ZNF672: variants seen among roughly 807,000 people sequenced by gnomAD.
The protein encoded by ZNF672 is zinc finger protein 672.
For missense variants in ZNF672, 733 were observed against 701.1 expected, an observed-to-expected ratio of 1.05 and a Z score of -0.51; for synonymous variants, 358 against 305.6, an observed-to-expected ratio of 1.17 and a Z score of -1.79.
intron 1 of ZNF672, among the ~76,000 whole-genome samples, chr1:248,840,128 C>T (rs530305142): frequency 2.6e-5 from 4 of 151,962 alleles, no homozygotes; most frequent in East Asian, 1.9e-4. Flanking sequence ...CTCACTCTGT[C>T]GCCCAGGCTG....
chr1:248,849,358 A>C lies in ZNF672; in HGVS notation c.*725A>C, dbSNP rs1659293290. On this transcript the variant is annotated 3_prime_UTR_variant, in exon 4 of 4. Transcript: ENST00000306562. ...ACCATTTTCACTGGGACCCAGGCCA[A>C]AACCATGTGGGTGCACAAAGCCAGG... 2 of 353,026 alleles carry C rather than the reference A, an allele frequency of 5.7e-6. No homozygotes were observed. Among genetic ancestry groups the C allele is most frequent in the East Asian group, 1.5e-4 (2 of 12,962 alleles). 21.9% of individuals were successfully genotyped at this position (353,026 alleles called of 1,614,324 possible). A position where few individuals can be genotyped will look rare whatever the true frequency, so the allele number is the denominator to read the frequency against.
In ZNF672 at chr1:248,848,330, C is replaced by G; in HGVS notation, c.1056C>G (p.Ser352=). 1 of 1,601,914 alleles carries G rather than the reference C, an allele frequency of 6.2e-7. No homozygotes were observed. Among genetic ancestry groups the G allele is most frequent in the Middle Eastern group, 1.7e-4 (1 of 6,060 alleles). ...GCGGCAAGCGGTTCACGTGCGTGTC[C>G]AATCTCAACGTGCATCGGCGCAACC... ...ELCGKRFTCV[S]NLNVHRRNHA... Residue 352 remains serine, a synonymous_variant, in exon 4 of 4, where the codon TCC becomes TCG. Coordinates refer to ENST00000306562, the MANE Select transcript of ZNF672 (RefSeq NM_024836.3).
chr1:248,840,344 G>T (rs1228648336), intron 1 of ZNF672, among the ~76,000 whole-genome samples: 3 of 152,054 alleles, frequency 2.0e-5, no homozygotes, highest in Admixed American at 2.0e-4. Flanking sequence ...TGCCCACCCC[G>T]GCCTCCCAAA....
In ZNF672 at chr1:248,847,266, G is replaced by A; in HGVS notation, c.-9G>A. 6.3e-7 allele frequency: 1 copy of A among 1,596,450 alleles called. No homozygotes were observed. Among genetic ancestry groups the A allele is most frequent in the Non-Finnish European group, 8.6e-7 (1 of 1,165,290 alleles). ...GAGTGGCACGCTTCCCTGTGAACCC[G>A]TCCTCACCATGTTTGCCACATCTGG... On this transcript the variant is annotated 5_prime_UTR_variant, in exon 4 of 4. Transcript: ENST00000306562.
At chr1:248,844,333 T>G (rs1030656451) in intron 1 of ZNF672, 150 bp from the exon 2 acceptor site, 1 of 152,210 alleles carries the variant, frequency 6.6e-6, no homozygotes, top group Admixed American at 6.5e-5. Context: ...CCCCCTTCCC[T>G]CTTTCCAAAC....
rs1031914834 is a variant in ZNF672 at position 248,848,164 on chromosome 1, A to T, written c.890A>T (p.Asp297Val). ...TCGKGFGQRS[D>V]LVVHQRIHTG... is the part of the protein sequence containing the mutation. ...GGCAAGGGTTTCGGGCAGCGCTCCGACCTGGTGGTGCACCAGCGCATCCAC... is the reference window on the plus strand; with the variant it reads ...GGCAAGGGTTTCGGGCAGCGCTCCGTCCTGGTGGTGCACCAGCGCATCCAC... The change falls in exon 4 of 4, where the codon GAC (aspartate) becomes GTC (valine). Residue 297 changes from aspartate to valine, a missense_variant. Physicochemically the swap from Asp to Val is radical, Grantham distance 152. Transcript: ENST00000306562. 6.3e-7 allele frequency: 1 copy of T among 1,593,774 alleles called. No homozygotes were observed. The highest frequency in any genetic ancestry group is 8.5e-7 in the Non-Finnish European group (1 of 1,174,694).
At chr1:248,839,776 T>C (rs1664639630) in intron 1 of ZNF672, among the ~76,000 whole-genome samples, 1 of 147,398 alleles carries the variant, frequency 6.8e-6, no homozygotes, top group African/African-American at 2.6e-5. Context: ...TCTTGCTCTG[T>C]CGTCCAGGCT....
intron 3 of ZNF672, among the ~76,000 whole-genome samples, chr1:248,846,033 A>G (rs933321841): frequency 1.3e-5 from 2 of 152,206 alleles, no homozygotes; most frequent in African/African-American, 2.4e-5. Context: ...AACCTGTCAG[A>G]AGAATTCAGG....
intron 1 of ZNF672, among the ~76,000 whole-genome samples, chr1:248,839,713 G>A (rs889107294): frequency 1.3e-5 from 2 of 149,718 alleles, no homozygotes; most frequent in African/African-American, 5.0e-5. Flanking sequence ...CCGGGCAACC[G>A]CAATTCTCAG....
chr1:248,849,155 G>C lies in ZNF672; in HGVS notation c.*522G>C, dbSNP rs902847649. The C allele has an allele frequency of 4.4e-6, 2 of 459,750 alleles. No individual in the cohort carries two copies. The highest frequency in any genetic ancestry group is 4.0e-5 in the African/African-American group (2 of 49,610). 28.5% of individuals were successfully genotyped at this position (459,750 alleles called of 1,614,324 possible). On this transcript the variant is annotated 3_prime_UTR_variant, in exon 4 of 4. Transcript: ENST00000306562. ...TTAACTCTGTTTCTGAGAAATGTGG[G>C]TATGGAGGTGGGTGGGAAAGCTCAC... is the stretch of plus-strand genomic sequence containing the variant.
In ZNF672 at chr1:248,848,369, G is replaced by T; in HGVS notation, c.1095G>T (p.Lys365Asn). ...ATCGGCGCAACCATGCCGGCCACAAGCCACACAAATGCCCCGAGTGCAGCA... is the reference window on the plus strand; with the variant it reads ...ATCGGCGCAACCATGCCGGCCACAATCCACACAAATGCCCCGAGTGCAGCA... ...NVHRRNHAGH[K>N]PHKCPECSKA... The change falls in exon 4 of 4, where the codon AAG (lysine) becomes AAT (asparagine). Residue 365 changes from lysine to asparagine, a missense_variant. Transcript: ENST00000306562. 6.2e-7 allele frequency: 1 copy of T among 1,602,450 alleles called. No homozygotes were observed.
At chr1:248,840,422 G>T (rs1322718975) in intron 1 of ZNF672, among the ~76,000 whole-genome samples, 2 of 152,194 alleles carry the variant, frequency 1.3e-5, no homozygotes, top group Non-Finnish European at 2.9e-5. Flanking sequence ...TCCCATCCAG[G>T]AGGATCAGAC....
chr1:248,848,724 G>A lies in ZNF672; in HGVS notation c.*91G>A, dbSNP rs1659267664. ...ACAGTTGAGGCAACTCGTAGATGGA[G>A]ATTTGGGAAAAGACGATGTGGCCTC... On this transcript the variant is annotated 3_prime_UTR_variant, in exon 4 of 4. Coordinates refer to ENST00000306562, the MANE Select transcript of ZNF672 (RefSeq NM_024836.3). 1 of 1,472,758 alleles carries A rather than the reference G, an allele frequency of 6.8e-7. No individual in the cohort carries two copies. The highest frequency in any genetic ancestry group is 1.4e-5 in the South Asian group (1 of 70,558). 91.2% of individuals were successfully genotyped at this position (1,472,758 alleles called of 1,614,324 possible). A position where few individuals can be genotyped will look rare whatever the true frequency, so the allele number is the denominator to read the frequency against.
In ZNF672 at chr1:248,847,654, C is replaced by A; in HGVS notation, c.380C>A (p.Pro127His). The A allele has an allele frequency of 6.7e-7, 1 of 1,496,374 alleles. No homozygotes were observed. Among genetic ancestry groups the A allele is most frequent in the Non-Finnish European group, 8.9e-7 (1 of 1,127,394 alleles). The allele number at this position is 1,496,374 out of a possible 1,614,324, so 92.7% of individuals were successfully genotyped here. The change falls in exon 4 of 4, where the codon CCC (proline) becomes CAC (histidine). Residue 127 changes from proline (P) to histidine (H), a missense_variant. Physicochemically the swap from Pro to His is moderately conservative, Grantham distance 77 (BLOSUM62 -2). Coordinates refer to ENST00000306562, the MANE Select transcript of ZNF672 (RefSeq NM_024836.3). ...HRRRQHLPER[P>H]RRCPLCARTF... ...CGCCGCCAGCATCTGCCAGAGCGGC[C>A]CCGCCGCTGCCCGCTGTGCGCCCGC...
rs1206396315 is a variant in ZNF672, at chr1:248,847,709, C to G, written c.435C>G (p.His145Gln). 6.9e-7 allele frequency: 1 copy of G among 1,458,056 alleles called. No individual in the cohort carries two copies. The highest frequency in any genetic ancestry group is 1.4e-5 in the African/African-American group (1 of 69,310). The allele number at this position is 1,458,056 out of a possible 1,614,324, so 90.3% of individuals were successfully genotyped here. Reference protein sequence around the residue: ...RTFRQSALLFHQARAHPLGTT... With the variant: ...RTFRQSALLFQQARAHPLGTT... ...TCCGGCAGAGCGCGCTGCTCTTCCACCAGGCGCGGGCGCACCCCTTGGGGA... is the reference window on the plus strand; with the variant it reads ...TCCGGCAGAGCGCGCTGCTCTTCCAGCAGGCGCGGGCGCACCCCTTGGGGA... The change falls in exon 4 of 4, where the codon CAC (histidine) becomes CAG (glutamine). Residue 145 changes from histidine to glutamine, a missense_variant. Coordinates refer to ENST00000306562, the MANE Select transcript of ZNF672 (RefSeq NM_024836.3).
At chr1:248,843,132 TACTC>T (rs932744968) in intron 1 of ZNF672, among the ~76,000 whole-genome samples, 5 of 152,098 alleles carry the variant, frequency 3.3e-5, no homozygotes, top group African/African-American at 1.2e-4. Context: ...CCTGCTGACT[TACTC>T]CTGTCCCTAG....
chr1:248,847,700 G>C lies in ZNF672; in HGVS notation c.426G>C (p.Leu142=), dbSNP rs1306269144. ...CCCGCACCTTCCGGCAGAGCGCGCT[G>C]CTCTTCCACCAGGCGCGGGCGCACC... ...LCARTFRQSA[L]LFHQARAHPL... The change falls in exon 4 of 4, where the codon CTG becomes CTC. Residue 142 remains leucine (L), a synonymous_variant. Coordinates refer to ENST00000306562, the MANE Select transcript of ZNF672 (RefSeq NM_024836.3). 4.1e-6 allele frequency: 6 copies of C among 1,463,318 alleles called. No homozygotes were observed. Among genetic ancestry groups the C allele is most frequent in the African/African-American group, 1.4e-5 (1 of 69,266 alleles). The allele number at this position is 1,463,318 out of a possible 1,614,324, so 90.6% of individuals were successfully genotyped here. A position where few individuals can be genotyped will look rare whatever the true frequency, so the allele number is the denominator to read the frequency against.
rs558333568 is a variant in ZNF672, at chr1:248,849,395, G to A, written c.*762G>A. On this transcript the variant is annotated 3_prime_UTR_variant, in exon 4 of 4. Coordinates refer to ENST00000306562, the MANE Select transcript of ZNF672 (RefSeq NM_024836.3). ...TGCACAAAGCCAGGCACTGCCAAGT[G>A]GAACATGAGGTTATTTCCAAATCAT... 6 of 307,622 alleles carry A rather than the reference G, an allele frequency of 2.0e-5. No individual in the cohort carries two copies. Among genetic ancestry groups the A allele is most frequent in the Admixed American group, 1.9e-4 (4 of 20,594 alleles). 19.1% of individuals were successfully genotyped at this position (307,622 alleles called of 1,614,324 possible).
chr1:248,845,960 G>A (rs753440555), intron 3 of ZNF672, among the ~76,000 whole-genome samples: 11 of 152,186 alleles, frequency 7.2e-5, no homozygotes, highest in African/African-American at 1.4e-4. Context: ...TGACTAGAGG[G>A]CATGTGAGGT....
Sources: gnomAD v4.1 joint callset for allele counts (sites outside exome capture counted in the v4.1 genomes callset) on GRCh38, gnomAD v4.1.1 for gene constraint, MANE v1.5 for transcripts, NCBI Gene and HGNC (gene_info 2026-07-23, HGNC 2026-07-21) for gene names.